Variants in EYA2 observed in about 807,000 individuals in gnomAD.
EYA2 encodes the protein EYA transcriptional coactivator and phosphatase 2.
Under a neutral mutation model 69.2 loss-of-function variants are expected in EYA2, and 31 were observed. The observed-to-expected ratio is 0.45, with a 90% CI of 0.34 to 0.60. The LOEUF (loss-of-function observed/expected upper bound fraction) is 0.60. Ranked by LOEUF, EYA2 falls within the 20% of genes least tolerant of loss-of-function variation. The probability of loss-of-function intolerance (pLI) is 0.02; values close to 1 mark genes in which losing one functional copy is unlikely to be tolerated. For missense variants in EYA2, 622 were observed against 701.2 expected, an observed-to-expected ratio of 0.89 and a Z score of 1.28; for synonymous variants, 257 against 279.4, an observed-to-expected ratio of 0.92 and a Z score of 0.80.
At chr20:46,966,029 T>C (rs558150831) in intron 1 of EYA2, among the ~76,000 whole-genome samples, 2 of 152,378 alleles carry the variant, frequency 1.3e-5, no homozygotes, top group South Asian at 4.1e-4. Flanking sequence ...TGAAATTCCA[T>C]GAATGTAGCA....
chr20:47,100,670 T>C (rs988687385), intron 9 of EYA2, among the ~76,000 whole-genome samples: 5 of 152,194 alleles, frequency 3.3e-5, no homozygotes, highest in Non-Finnish European at 5.9e-5. Context: ...AAAACTGAGG[T>C]GAAAAGCTGT....
At chr20:47,129,150 C>T (rs1381778463) in intron 9 of EYA2, among the ~76,000 whole-genome samples, 1 of 152,110 alleles carries the variant, frequency 6.6e-6, no homozygotes, top group East Asian at 1.9e-4. Context: ...ATTAACCAAG[C>T]ATCTGCCATT....
At chr20:46,941,057 G>C (rs56124028) in intron 1 of EYA2, among the ~76,000 whole-genome samples, 4 of 152,244 alleles carry the variant, frequency 2.6e-5, no homozygotes. Flanking sequence ...CCCAGAGCCC[G>C]AGCCTGCTGG....
chr20:47,041,202 T>C (rs1462038007), intron 5 of EYA2, among the ~76,000 whole-genome samples: 2 of 152,234 alleles, frequency 1.3e-5, no homozygotes, highest in African/African-American at 4.8e-5. Context: ...TAAAGAACCC[T>C]CTGATCCTAA....
At chr20:46,918,507 A>G (rs1057075890) in intron 1 of EYA2, among the ~76,000 whole-genome samples, 1 of 152,026 alleles carries the variant, frequency 6.6e-6, no homozygotes, top group Admixed American at 6.5e-5. Context: ...GGGTTTCACC[A>G]GGTTACCCAG....
At chr20:47,186,465 T>C (rs1380957435) in intron 15 of EYA2, among the ~76,000 whole-genome samples, 1 of 151,192 alleles carries the variant, frequency 6.6e-6, no homozygotes, top group Non-Finnish European at 1.5e-5. Context: ...GTTCAAGTGA[T>C]TCTCCTGCCC....
rs1044772713 is a variant in EYA2 at position 47,044,809 on chromosome 20, T to C, written c.416-27376T>C. On this transcript the variant is annotated intron_variant, in intron 5 of 15. Transcript: ENST00000327619. ...AGGCAGAGTGACTTGCTCAAGGTCATACAATCGGAGAACAGCAGAACCTAG... is the reference window on the plus strand; with the variant it reads ...AGGCAGAGTGACTTGCTCAAGGTCACACAATCGGAGAACAGCAGAACCTAG... Among the ~76,000 whole-genome samples, 3 of 152,156 alleles carry C rather than the reference T, an allele frequency of 2.0e-5. No individual in the cohort carries two copies. The South Asian group carries it at 6.2e-4, about 32-fold the overall frequency.
chr20:47,092,265 T>C (rs993068937), intron 8 of EYA2, among the ~76,000 whole-genome samples: 1 of 152,134 alleles, frequency 6.6e-6, no homozygotes, highest in Non-Finnish European at 1.5e-5. Context: ...TGATCCATGC[T>C]AGAGACCTGG....
Position 47,157,343 on chromosome 20 carries a change from G to A in EYA2, c.979-11796G>A, listed in dbSNP as rs1324232917. On this transcript the variant is annotated intron_variant, in intron 10 of 15. Transcript: ENST00000327619. The stretch of plus-strand genomic sequence containing the variant: ...CACTCCAGCCTTGGTGACAGAGCAA[G>A]ACTCCGTCTCAAAAAAAAAAAAAAA... 5.1e-5 allele frequency among the ~76,000 whole-genome samples: 5 copies of A among 98,266 alleles called. No individual in the cohort carries two copies. In the East Asian group the frequency reaches 1.8e-3, roughly 36 times the overall value. 64.5% of individuals were successfully genotyped at this position (98,266 alleles called of 152,430 possible). A position where few individuals can be genotyped will look rare whatever the true frequency, so the allele number is the denominator to read the frequency against.
At chr20:47,145,353 G>C (rs2033678331) in intron 10 of EYA2, among the ~76,000 whole-genome samples, 1 of 152,108 alleles carries the variant, frequency 6.6e-6, no homozygotes, top group Non-Finnish European at 1.5e-5. Flanking sequence ...CAAGTGCAAA[G>C]GTCCTGAGTG....
chr20:47,027,237 G>A (rs1413114641), intron 5 of EYA2, among the ~76,000 whole-genome samples: 1 of 152,342 alleles, frequency 6.6e-6, no homozygotes, highest in East Asian at 1.9e-4. Context: ...TCTCTCCGGT[G>A]ATGGCATCTT....
chr20:46,937,996 C>A (rs551401067), intron 1 of EYA2, among the ~76,000 whole-genome samples: 2 of 152,132 alleles, frequency 1.3e-5, no homozygotes, highest in Non-Finnish European at 2.9e-5. Context: ...CCTATGAGAT[C>A]GATCTTATCT....
At chr20:47,143,247 C>CT (rs2033633989) in intron 10 of EYA2, 99 bp downstream of exon 10, 15 of 1,093,002 alleles carry the variant, frequency 1.4e-5, no homozygotes, top group South Asian at 1.4e-4. Flanking sequence ...TTTTCTTTTT[C>CT]TTTTTTTCTC....
chr20:47,105,488 G>A (rs1438576614), intron 9 of EYA2, among the ~76,000 whole-genome samples: 1 of 152,128 alleles, frequency 6.6e-6, no homozygotes, highest in African/African-American at 2.4e-5. Flanking sequence ...AGCTGGGCAT[G>A]ATGGCAGGCA....
chr20:46,936,549 G>A (rs1416637572), intron 1 of EYA2, among the ~76,000 whole-genome samples: 1 of 152,146 alleles, frequency 6.6e-6, no homozygotes, highest in Admixed American at 6.5e-5. Flanking sequence ...GACACTTAGA[G>A]GGAAAATGAC....
At chr20:46,901,053 G>C (rs1323508183) in intron 1 of EYA2, 1 of 152,220 alleles carries the variant, frequency 6.6e-6, no homozygotes, top group Non-Finnish European at 1.5e-5. Context: ...AGTGGACACA[G>C]AAAGCGGGTT....
chr20:46,974,444 T>C (rs1216886921), intron 1 of EYA2, among the ~76,000 whole-genome samples: 2 of 152,186 alleles, frequency 1.3e-5, no homozygotes, highest in Admixed American at 6.5e-5. Context: ...TGCAATGGGC[T>C]ATGGTTGGGA....
intron 5 of EYA2, among the ~76,000 whole-genome samples, chr20:47,017,649 G>A (rs985648863): frequency 1.3e-5 from 2 of 152,076 alleles, no homozygotes; most frequent in Non-Finnish European, 2.9e-5. Flanking sequence ...TCCTGGTAAG[G>A]TCTGTGTCCA....
intron 1 of EYA2, among the ~76,000 whole-genome samples, chr20:46,929,750 T>C (rs1373986226): frequency 1.3e-5 from 2 of 152,004 alleles, no homozygotes; most frequent in Non-Finnish European, 2.9e-5. Context: ...CTCACATCTG[T>C]AATCCTAGTG....
Sources: gnomAD v4.1 joint callset for allele counts (sites outside exome capture counted in the v4.1 genomes callset) on GRCh38, gnomAD v4.1.1 for gene constraint, MANE v1.5 for transcripts, NCBI Gene and HGNC (gene_info 2026-07-23, HGNC 2026-07-21) for gene names.